The following VAMP7 variants were observed in gnomAD, a reference collection of about 807,000 sequenced individuals.
The protein encoded by VAMP7 is vesicle associated membrane protein 7.
VAMP7 carries 14 observed loss-of-function variants against 29.6 expected under a neutral mutation model. The observed-to-expected ratio is 0.47, with a 90% CI of 0.31 to 0.74. VAMP7 has a LOEUF of 0.74. Among genes scored for constraint, VAMP7 ranks in the 30% least tolerant of loss-of-function variants. The pLI is 0.05. For missense variants in VAMP7, 223 were observed against 262.4 expected (o/e 0.85, Z 1.04); for synonymous variants, 95 against 88.1 (o/e 1.08, Z -0.44).
chrX:155,942,183 CT>C lies in VAMP7; in HGVS notation c.*236del, dbSNP rs773429537. The stretch of plus-strand genomic sequence containing the variant: ...CATTGCAGCAGTAGCCTTAAAAAGG[CT>C]TTTGTTTATTTCTTTGGTTTGTTAA... On this transcript the variant is annotated 3_prime_UTR_variant, in exon 8 of 8. Coordinates refer to ENST00000286448, the MANE Select transcript of VAMP7 (RefSeq NM_005638.6). 3.7e-5 allele frequency: 57 copies of C among 1,534,774 alleles called. No homozygotes were observed. The highest frequency in any genetic ancestry group is 2.4e-5 in the Non-Finnish European group (27 of 1,139,596).
intron 6 of VAMP7, among the ~76,000 whole-genome samples, chrX:155,933,512 T>G (rs1051511627): frequency 6.6e-6 from 1 of 152,210 alleles, no homozygotes; most frequent in East Asian, 1.9e-4. Flanking sequence ...TAGTATTCTC[T>G]GATGGTAGTT....
At chrX:155,898,961 T>C (rs1365547952) in intron 4 of VAMP7, among the ~76,000 whole-genome samples, 2 of 152,108 alleles carry the variant, frequency 1.3e-5, no homozygotes, top group Non-Finnish European at 2.9e-5. Flanking sequence ...TCTTCCATGT[T>C]GTATAAATCA....
At chrX:155,889,702 A>T in intron 2 of VAMP7, 90 bp downstream of exon 2, 1 of 1,411,220 alleles carries the variant, frequency 7.1e-7, no homozygotes. Context: ...ACAAGCTTCT[A>T]GGTACATAAT....
At position 155,932,060 on chromosome X, in the gene VAMP7, G is replaced by T. The variant is rs770353641; in HGVS notation, c.502-7641G>T. On this transcript the variant is annotated intron_variant, in intron 6 of 7. Transcript: ENST00000286448. ...TCTGAGGGCTCTGTTCTGTTCCATT[G>T]GTCTATATCTCTGTTTTGGTACCAG... Among the ~76,000 whole-genome samples the T allele has an allele frequency of 1.8e-3, 277 of 152,174 alleles. 2 individuals carry two copies. The highest frequency in any genetic ancestry group is 6.5e-3 in the African/African-American group (268 of 41,518).
At chrX:155,937,610 C>T (rs996036232) in intron 6 of VAMP7, among the ~76,000 whole-genome samples, 4 of 152,124 alleles carry the variant, frequency 2.6e-5, no homozygotes, top group Non-Finnish European at 4.4e-5. Flanking sequence ...GCTTGGAGGT[C>T]TGAAATGTTA....
Position 155,889,539 on chromosome X carries a change from T to A in VAMP7, c.73T>A (p.Phe25Ile), listed in dbSNP as rs1485555278. ...LAKHAWCGGN[F>I]LEVTEQILAK... is the part of the protein sequence containing the mutation. ...CAAACATGCTTGGTGTGGAGGAAAC[T>A]TCCTGGAGGTGACAGAGCAGATTCT... The change falls in exon 2 of 8, where the codon TTC (phenylalanine) becomes ATC (isoleucine). Residue 25 changes from phenylalanine (F) to isoleucine (I), a missense_variant. By Grantham distance (21) the Phe-to-Ile change is conservative (BLOSUM62 0). Coordinates refer to ENST00000286448, the MANE Select transcript of VAMP7 (RefSeq NM_005638.6). 1.2e-6 allele frequency: 2 copies of A among 1,613,960 alleles called. No homozygotes were observed. The highest frequency in any genetic ancestry group is 3.3e-5 in the Admixed American group (2 of 60,008).
intron 4 of VAMP7, among the ~76,000 whole-genome samples, chrX:155,900,238 T>C (rs1244182393): frequency 6.6e-6 from 1 of 152,050 alleles, no homozygotes; most frequent in African/African-American, 2.4e-5. Flanking sequence ...ATATTTGATA[T>C]AATGTTTATT....
At chrX:155,902,154 C>T (rs1220209711) in intron 5 of VAMP7, among the ~76,000 whole-genome samples, 6 of 152,052 alleles carry the variant, frequency 3.9e-5, no homozygotes, top group Admixed American at 6.6e-5. Context: ...GGAGTTCACT[C>T]ATGATTTGAC....
rs35269336 is a variant in VAMP7 at position 155,910,801 on chromosome X, T to C, written c.434-9012T>C. Among the ~76,000 whole-genome samples the C allele has an allele frequency of 0.014, 2,069 of 152,254 alleles. 86 individuals are homozygous for C. The East Asian group carries it at 0.17, about 13-fold the overall frequency. ...CCACTTTTTAAGGGGATTATTTGTA[T>C]ATCTCCTGTTGAGTTCATTATATAT... On this transcript the variant is annotated intron_variant, in intron 5 of 7. Coordinates refer to ENST00000286448, the MANE Select transcript of VAMP7 (RefSeq NM_005638.6).
chrX:155,898,380 C>A, intron 4 of VAMP7, 131 bp downstream of exon 4: 1 of 1,233,290 alleles, frequency 8.1e-7, no homozygotes, highest in Non-Finnish European at 1.1e-6. Context: ...CATAATAAAA[C>A]TTCCCTGATT....
chrX:155,884,341 G>A (rs891078811), intron 1 of VAMP7, among the ~76,000 whole-genome samples: 8 of 151,902 alleles, frequency 5.3e-5, no homozygotes, highest in Admixed American at 4.6e-4. Context: ...TGGTCAGGCT[G>A]GTCTCGAACT....
At chrX:155,931,145 A>G (rs777704798) in intron 6 of VAMP7, among the ~76,000 whole-genome samples, 12 of 152,210 alleles carry the variant, frequency 7.9e-5, no homozygotes, top group Admixed American at 3.3e-4. Flanking sequence ...GGTCTTTGCT[A>G]TTGTGAATAG....
At chrX:155,895,993 A>C (rs1446893169) in intron 3 of VAMP7, among the ~76,000 whole-genome samples, 1 of 152,206 alleles carries the variant, frequency 6.6e-6, no homozygotes, top group Non-Finnish European at 1.5e-5. Flanking sequence ...GAGGTGGAAC[A>C]GTTTAATCCC....
chrX:155,917,334 A>G (rs933798734), intron 5 of VAMP7, among the ~76,000 whole-genome samples: 1 of 152,074 alleles, frequency 6.6e-6, no homozygotes, highest in Non-Finnish European at 1.5e-5. Context: ...GTTTGTTATT[A>G]TCCACCTTCT....
intron 6 of VAMP7, among the ~76,000 whole-genome samples, chrX:155,932,115 G>A (rs1418782713): frequency 6.6e-6 from 1 of 152,146 alleles, no homozygotes; most frequent in Non-Finnish European, 1.5e-5. Flanking sequence ...CTGTAGCCTT[G>A]CAGTATAGTT....
chrX:155,919,758 T>C (rs2066368569), intron 5 of VAMP7, 55 bp from the exon 6 acceptor site: 2 of 1,507,110 alleles, frequency 1.3e-6, no homozygotes, highest in Admixed American at 1.7e-5. Flanking sequence ...TAAAAAAAGT[T>C]TATTTTATTC....
chrX:155,937,861 T>A (rs1185065368), intron 6 of VAMP7, among the ~76,000 whole-genome samples: 1 of 152,156 alleles, frequency 6.6e-6, no homozygotes, highest in Non-Finnish European at 1.5e-5. Flanking sequence ...GATCCTGGAT[T>A]TGCTTGATCA....
chrX:155,909,851 C>A (rs893949203), intron 5 of VAMP7, among the ~76,000 whole-genome samples: 4 of 151,748 alleles, frequency 2.6e-5, no homozygotes, highest in African/African-American at 9.7e-5. Context: ...TTATGGGGTA[C>A]GTGTGATATT....
chrX:155,926,081 C>T (rs1231835245), intron 6 of VAMP7, among the ~76,000 whole-genome samples: 1 of 152,122 alleles, frequency 6.6e-6, no homozygotes, highest in Non-Finnish European at 1.5e-5. Flanking sequence ...TTCAAGAGCA[C>T]AGGCAGAGTA....
Sources: allele counts gnomAD v4.1 joint callset (sites outside exome capture counted in the v4.1 genomes callset), GRCh38; gene constraint gnomAD v4.1.1; transcripts MANE v1.5; gene names NCBI Gene and HGNC (gene_info 2026-07-23, HGNC 2026-07-21).